Variants in OXCT1 observed in about 807,000 individuals in gnomAD.
The protein encoded by OXCT1 is 3-oxoacid CoA-transferase 1.
OXCT1 carries 27 observed loss-of-function variants against 69.6 expected under a neutral mutation model. That is an observed-to-expected ratio of 0.39 (90% confidence interval 0.29 to 0.54). The LOEUF (loss-of-function observed/expected upper bound fraction) is 0.54. Ranked by LOEUF, OXCT1 falls within the 20% of genes least tolerant of loss-of-function variation. OXCT1 has a pLI of 0.72. For missense variants in OXCT1, 437 were observed against 650.2 expected (o/e 0.67, Z 3.57); for synonymous variants, 202 against 217.8 (o/e 0.93, Z 0.64).
chr5:41,794,682 A>C lies in OXCT1; in HGVS notation c.1167T>G (p.Ile389Met). The C allele has an allele frequency of 6.2e-7, 1 of 1,613,300 alleles. No individual in the cohort carries two copies. The highest frequency in any genetic ancestry group is 8.5e-7 in the Non-Finnish European group (1 of 1,179,620). ...FFSSDESFAMIRGGHVDLTML... is the reference protein window; with the variant it reads ...FFSSDESFAMMRGGHVDLTML... ...GGGGCTCTGTTATTACATACCCTCT[A>C]ATCATTGCAAATGATTCATCGCTGG... The change falls in exon 12 of 17, where the codon ATT (isoleucine) becomes ATG (methionine). Residue 389 changes from isoleucine to methionine, a missense_variant. Ile to Met is a conservative substitution (Grantham distance 10). Around this residue, in one of 4 missense-constraint regions of OXCT1, gnomAD observed 4 missense variants for 29.3 expected, o/e 0.14. Coordinates refer to ENST00000196371, the MANE Select transcript of OXCT1 (RefSeq NM_000436.4).
chr5:41,849,272 C>G (rs1373323694), intron 5 of OXCT1, among the ~76,000 whole-genome samples: 3 of 152,194 alleles, frequency 2.0e-5, no homozygotes, highest in Non-Finnish European at 2.9e-5. Context: ...CCCTGATTTA[C>G]TACGTTCACT....
intron 9 of OXCT1, 38 bp from the exon 10 acceptor site, chr5:41,803,201 G>A (rs1746505949): frequency 7.4e-7 from 1 of 1,356,238 alleles, no homozygotes; most frequent in Non-Finnish European, 1.1e-6. Flanking sequence ...CATATAAAAG[G>A]TAGAGAAGTT....
chr5:41,792,433 G>A (rs2112223387), intron 13 of OXCT1, among the ~76,000 whole-genome samples: 1 of 152,260 alleles, frequency 6.6e-6, no homozygotes, highest in Admixed American at 6.5e-5. Flanking sequence ...AACCCAAAGA[G>A]CATAAGTGAA....
chr5:41,864,138 A>G (rs1296594302), intron 1 of OXCT1, among the ~76,000 whole-genome samples: 3 of 152,186 alleles, frequency 2.0e-5, no homozygotes, highest in Non-Finnish European at 2.9e-5. Flanking sequence ...CTTCATCCAC[A>G]CTATGCACAA....
chr5:41,795,192 C>T (rs767727424), intron 11 of OXCT1, among the ~76,000 whole-genome samples: 3 of 152,064 alleles, frequency 2.0e-5, no homozygotes, highest in Non-Finnish European at 4.4e-5. Flanking sequence ...TGGGTTCAGT[C>T]GGGCTTCTAT....
chr5:41,857,174 G>A (rs1216755020), intron 3 of OXCT1, among the ~76,000 whole-genome samples: 1 of 152,106 alleles, frequency 6.6e-6, no homozygotes, highest in Non-Finnish European at 1.5e-5. Context: ...TCTTGCCAGG[G>A]TACTGCAAAC....
At chr5:41,761,822 A>G (rs1416023531) in intron 14 of OXCT1, among the ~76,000 whole-genome samples, 2 of 152,186 alleles carry the variant, frequency 1.3e-5, no homozygotes, top group African/African-American at 4.8e-5. Flanking sequence ...CTTTGGAGAT[A>G]TTAAAGCTTT....
chr5:41,811,588 A>T (rs527329242), intron 7 of OXCT1, among the ~76,000 whole-genome samples: 6 of 152,198 alleles, frequency 3.9e-5, no homozygotes, highest in African/African-American at 1.4e-4. Context: ...AAGGAATGAT[A>T]GGACCAGTAC....
intron 15 of OXCT1, among the ~76,000 whole-genome samples, chr5:41,745,276 C>T (rs1743412951): frequency 6.6e-6 from 1 of 151,958 alleles, no homozygotes. Context: ...TACATGGAAA[C>T]TGAACAACCT....
chr5:41,845,080 G>A (rs1748830844), intron 5 of OXCT1, among the ~76,000 whole-genome samples: 1 of 152,030 alleles, frequency 6.6e-6, no homozygotes, highest in African/African-American at 2.4e-5. Context: ...AACTTTGCAT[G>A]AATTTGACTC....
intron 7 of OXCT1, among the ~76,000 whole-genome samples, chr5:41,831,328 G>C (rs1345588455): frequency 2.0e-5 from 3 of 152,090 alleles, no homozygotes; most frequent in Non-Finnish European, 4.4e-5. Flanking sequence ...TGCAAATCTA[G>C]CTTCCTCTCT....
chr5:41,731,171 C>G lies in OXCT1; in HGVS notation c.*558G>C, dbSNP rs771118097. 3.2e-5 allele frequency: 5 copies of G among 158,686 alleles called. No homozygotes were observed. The highest frequency in any genetic ancestry group is 4.8e-5 in the African/African-American group (2 of 41,506). 9.8% of individuals were successfully genotyped at this position (158,686 alleles called of 1,614,324 possible). A position where few individuals can be genotyped will look rare whatever the true frequency, so the allele number is the denominator to read the frequency against. On this transcript the variant is annotated 3_prime_UTR_variant, in exon 17 of 17. Transcript: ENST00000196371. ...CTAGTTATTTCTCCCTGCCCTCCCCCACAAGAGGCATTCCTGCTTGCCTTC... is the reference window on the plus strand; with the variant it reads ...CTAGTTATTTCTCCCTGCCCTCCCCGACAAGAGGCATTCCTGCTTGCCTTC...
intron 5 of OXCT1, chr5:41,843,427 C>G (rs1185104668): frequency 2.6e-6 from 1 of 385,594 alleles, no homozygotes; most frequent in Non-Finnish European, 5.2e-6. Context: ...TTAGTGGTTT[C>G]TCTTGCTACT....
At chr5:41,794,848 T>A in intron 11 of OXCT1, 99 bp from the exon 12 acceptor site, 1 of 1,325,236 alleles carries the variant, frequency 7.5e-7, no homozygotes, top group Non-Finnish European at 1.1e-6. Context: ...CAAAAGAACT[T>A]AAGCTCCCTT....
At chr5:41,768,284 A>G (rs1034120608) in intron 13 of OXCT1, among the ~76,000 whole-genome samples, 1 of 152,150 alleles carries the variant, frequency 6.6e-6, no homozygotes, top group African/African-American at 2.4e-5. Flanking sequence ...TGCAAGAACA[A>G]TCCTCCACAT....
At chr5:41,742,646 C>T (rs1241333880) in intron 15 of OXCT1, among the ~76,000 whole-genome samples, 1 of 151,744 alleles carries the variant, frequency 6.6e-6, no homozygotes, top group Non-Finnish European at 1.5e-5. Context: ...CCCCACCCCA[C>T]AACAGGCCCC....
chr5:41,843,803 C>T (rs1748762700), intron 5 of OXCT1: 1 of 275,076 alleles, frequency 3.6e-6, no homozygotes, highest in South Asian at 3.4e-5. Context: ...CAAAACCTTT[C>T]TTAAATAAAG....
At chr5:41,736,922 A>C (rs998411209) in intron 16 of OXCT1, among the ~76,000 whole-genome samples, 1 of 152,238 alleles carries the variant, frequency 6.6e-6, no homozygotes, top group Non-Finnish European at 1.5e-5. Context: ...AATATTTTCT[A>C]AATTAGGACA....
chr5:41,824,140 T>C (rs1008580759), intron 7 of OXCT1, among the ~76,000 whole-genome samples: 6 of 152,194 alleles, frequency 3.9e-5, no homozygotes, highest in Admixed American at 3.9e-4. Context: ...CACAAAGAAA[T>C]GTTTAGATCT....
Sources: gnomAD v4.1 joint callset for allele counts (sites outside exome capture counted in the v4.1 genomes callset) on GRCh38, gnomAD v4.1.1 for gene constraint, gnomAD v4.1.1 regional missense constraint, MANE v1.5 for transcripts, NCBI Gene and HGNC (gene_info 2026-07-23, HGNC 2026-07-21) for gene names.